Variants in HTT observed in about 807,000 individuals in gnomAD.
HTT encodes huntington disease protein.
A neutral mutation model predicts 362.3 loss-of-function variants in HTT; 104 were observed. The observed-to-expected ratio is 0.29, with a 90% CI of 0.24 to 0.34. The LOEUF (loss-of-function observed/expected upper bound fraction) is 0.34. Among genes scored for constraint, HTT ranks in the 10% least tolerant of loss-of-function variants. The pLI is 1.00. For synonymous variants in HTT, 1,577 were observed against 1,548.7 expected (o/e 1.02, Z -0.43); for missense variants, 3,301 against 3,928.6 (o/e 0.84, Z 4.27).
chr4:3,082,460 A>T (rs1373155514), intron 1 of HTT, among the ~76,000 whole-genome samples: 1 of 152,220 alleles, frequency 6.6e-6, no homozygotes, highest in East Asian at 1.9e-4. Flanking sequence ...ATTAAATTGG[A>T]TCAATTTGGG....
At chr4:3,113,132 C>T (rs1049205421) in intron 6 of HTT, 11 of 525,742 alleles carry the variant, frequency 2.1e-5, no homozygotes, top group Non-Finnish European at 2.7e-5. Flanking sequence ...ACAGTTGTAG[C>T]GTGGCCTTGG....
chr4:3,229,479 G>A (rs1028291501), intron 59 of HTT, among the ~76,000 whole-genome samples: 3 of 130,490 alleles, frequency 2.3e-5, no homozygotes, highest in African/African-American at 9.1e-5. Context: ...CAGACACATG[G>A]CACACACTAC....
chr4:3,237,105 C>T (rs1292817650), intron 64 of HTT, among the ~76,000 whole-genome samples: 1 of 151,476 alleles, frequency 6.6e-6, no homozygotes, highest in African/African-American at 2.4e-5. Flanking sequence ...TGGAGTTTTT[C>T]CCTTGTCACC....
Position 3,182,467 on chromosome 4 carries a change from G to A in HTT, c.4863G>A (p.Gln1621=). The change falls in exon 37 of 67, where the codon CAG becomes CAA. Residue 1621 remains glutamine, a synonymous_variant. Transcript: ENST00000355072. ...TCATCCTCCCAATGTTAGCCAAACA[G>A]CAGGTTTGTCCCCGCAGCCTTGGCT... ...ADIILPMLAK[Q]QMHIDSHEAL... 5 of 1,604,500 alleles carry A rather than the reference G, an allele frequency of 3.1e-6. No individual in the cohort carries two copies. The highest frequency in any genetic ancestry group is 3.3e-4 in the Middle Eastern group (2 of 6,034).
At chr4:3,203,930 A>G in intron 41 of HTT, 77 bp from the exon 42 acceptor site, 2 of 1,403,762 alleles carry the variant, frequency 1.4e-6, no homozygotes, top group Non-Finnish European at 2.0e-6. Flanking sequence ...AGAATTAAAC[A>G]TAATCATCTT....
intron 2 of HTT, among the ~76,000 whole-genome samples, chr4:3,095,320 C>A (rs1009461443): frequency 6.6e-6 from 1 of 152,250 alleles, no homozygotes; most frequent in African/African-American, 2.4e-5. Context: ...CAGTCAGGAG[C>A]TGGAGACCAG....
At chr4:3,233,867 T>C (rs1721386425) in intron 61 of HTT, among the ~76,000 whole-genome samples, 1 of 152,184 alleles carries the variant, frequency 6.6e-6, no homozygotes, top group Non-Finnish European at 1.5e-5. Context: ...CACAGCGATG[T>C]CTTACAAGCG....
At chr4:3,127,098 G>A (rs1228406848) in intron 11 of HTT, among the ~76,000 whole-genome samples, 166 bp from the exon 12 acceptor site, 1 of 152,230 alleles carries the variant, frequency 6.6e-6, no homozygotes, top group Non-Finnish European at 1.5e-5. Context: ...GGCAGTGTGA[G>A]AGATGCTTGA....
intron 2 of HTT, among the ~76,000 whole-genome samples, chr4:3,088,464 G>A (rs912309909): frequency 6.6e-6 from 1 of 152,132 alleles, no homozygotes; most frequent in Non-Finnish European, 1.5e-5. Flanking sequence ...GTGAGCCACC[G>A]CGCCCGGCCC....
chr4:3,088,188 G>T (rs796849623), intron 2 of HTT, among the ~76,000 whole-genome samples: 1,033 of 99,876 alleles, frequency 0.01, 15 homozygotes, highest in African/African-American at 0.034. Flanking sequence ...TTTCACTTTT[G>T]TTTTTTTTTT....
intron 6 of HTT, among the ~76,000 whole-genome samples, 176 bp downstream of exon 6, chr4:3,107,599 C>T (rs1714499634): frequency 6.6e-6 from 1 of 152,174 alleles, no homozygotes; most frequent in African/African-American, 2.4e-5. Flanking sequence ...CTTCTTTCCA[C>T]TTCTCATTTC....
At chr4:3,188,753 C>G in intron 39 of HTT, 198 bp from the exon 40 acceptor site, 1 of 545,996 alleles carries the variant, frequency 1.8e-6, no homozygotes, top group Non-Finnish European at 3.3e-6. Flanking sequence ...GCCATTTCAT[C>G]CTCAGTGAGG....
intron 45 of HTT, among the ~76,000 whole-genome samples, chr4:3,208,537 T>C (rs1719978216): frequency 6.6e-6 from 1 of 152,256 alleles, no homozygotes; most frequent in Non-Finnish European, 1.5e-5. Flanking sequence ...GAGTACAAAC[T>C]GTGATACTTA....
chr4:3,087,036 G>A lies in HTT; in HGVS notation c.347+14G>A, dbSNP rs184172909. The A allele has an allele frequency of 7.3e-4, 1,044 of 1,432,676 alleles. 7 individuals carry two copies. The highest frequency in any genetic ancestry group is 1.5e-3 in the Admixed American group (89 of 59,110). 88.7% of individuals were successfully genotyped at this position (1,432,676 alleles called of 1,614,324 possible). On this transcript the variant is annotated intron_variant, in intron 2 of 66. Transcript: ENST00000355072. ...ACAGTCTGTCAGGTAATTGCACTTT[G>A]AACTGTCTAGAGAAAATAAGAACTT...
At position 3,229,000 on chromosome 4, in the gene HTT, G is replaced by C; in HGVS notation, c.8100G>C (p.Val2700=). 1.2e-6 allele frequency: 2 copies of C among 1,612,466 alleles called. No individual in the cohort carries two copies. The highest frequency in any genetic ancestry group is 1.7e-6 in the Non-Finnish European group (2 of 1,178,798). ...RRTPAILISE[V]VRSLLVVSDL... The stretch of plus-strand genomic sequence containing the variant: ...CCCCGGCCATCCTGATCAGTGAGGT[G>C]GTCAGATCCGTAAGTGAGCCTTCCC... The change falls in exon 59 of 67, where the codon GTG becomes GTC. Residue 2700 remains valine, a synonymous_variant. Transcript: ENST00000355072. This position sits in a 1 kb window ranked among gnomAD's most constrained non-coding sequence, Gnocchi z 4.3.
In HTT at chr4:3,167,339, G is replaced by A. The variant is rs1381218705; in HGVS notation, c.3865-4981G>A. On this transcript the variant is annotated intron_variant, in intron 29 of 66. Coordinates refer to ENST00000355072, the MANE Select transcript of HTT (RefSeq NM_001388492.1). ...ACCCACCTCAGCCTCCTAGAGTGCTGGGATCACAGGTGTCAGCCACCACGC... is the reference window on the plus strand; with the variant it reads ...ACCCACCTCAGCCTCCTAGAGTGCTAGGATCACAGGTGTCAGCCACCACGC... Among the ~76,000 whole-genome samples the A allele has an allele frequency of 3.3e-5, 5 of 152,264 alleles. No homozygotes were observed. In the East Asian group the frequency reaches 7.7e-4, roughly 24 times the overall value.
At chr4:3,150,379 C>T (rs940700771) in intron 26 of HTT, among the ~76,000 whole-genome samples, 2 of 152,108 alleles carry the variant, frequency 1.3e-5, no homozygotes, top group African/African-American at 4.8e-5. Flanking sequence ...GCCTGAGAGT[C>T]GGGGCTGTTC....
Position 3,182,354 on chromosome 4 carries a change from G to A in HTT, c.4750G>A (p.Val1584Met). The A allele has an allele frequency of 6.2e-7, 1 of 1,603,244 alleles. No individual in the cohort carries two copies. The highest frequency in any genetic ancestry group is 8.5e-7 in the Non-Finnish European group (1 of 1,170,098). ...TTTCTAATTGTGCACGCTCTTATAG[G>A]TGTTGGAGATGTTCATTCTTGTCCT... Reference protein sequence around the residue: ...MLLRLIQYHQVLEMFILVLQQ... With the variant: ...MLLRLIQYHQMLEMFILVLQQ... Residue 1584 changes from valine (V) to methionine (M), a missense_variant and splice_region_variant, in exon 37 of 67, where the codon GTG becomes ATG. Around this residue, in one of 4 missense-constraint regions of HTT, gnomAD observed 2,316 missense variants for 2,658.5 expected, o/e 0.87. Coordinates refer to ENST00000355072, the MANE Select transcript of HTT (RefSeq NM_001388492.1).
chr4:3,160,830 C>G lies in HTT; in HGVS notation c.3864+438C>G, dbSNP rs182738009. On this transcript the variant is annotated intron_variant, in intron 29 of 66. Transcript: ENST00000355072. Reference sequence around the variant, plus strand: ...CTGACACAGATAGTCTCTGACTTATCTCACAGAAAGTCAGCGGCAGAGCCT... The same window carrying G: ...CTGACACAGATAGTCTCTGACTTATGTCACAGAAAGTCAGCGGCAGAGCCT... Among the ~76,000 whole-genome samples the G allele has an allele frequency of 1.4e-3, 207 of 152,188 alleles. 1 individual carries two copies. The highest frequency in any genetic ancestry group is 3.0e-3 in the Admixed American group (46 of 15,294).
Sources: gnomAD v4.1 joint callset for allele counts (sites outside exome capture counted in the v4.1 genomes callset) on GRCh38, gnomAD v4.1.1 for gene constraint, gnomAD v4.1.1 regional missense constraint, Gnocchi (gnomAD v3.1) non-coding constraint, MANE v1.5 for transcripts, NCBI Gene and HGNC (gene_info 2026-07-23, HGNC 2026-07-21) for gene names.